The following VRK2 variants were observed in gnomAD, a reference collection of about 807,000 sequenced individuals.
VRK2 encodes serine/threonine-protein kinase VRK2.
Under a neutral mutation model 57.6 loss-of-function variants are expected in VRK2, and 60 were observed. The observed-to-expected ratio is 1.04, with a 90% confidence interval of 0.85 to 1.29. The LOEUF (loss-of-function observed/expected upper bound fraction) is 1.29, where lower values mean the gene tolerates loss of function less well. Ranked by LOEUF, VRK2 falls within the 50% of genes most tolerant of loss-of-function variation. The pLI is 0.00. For synonymous variants in VRK2, 231 were observed against 199.2 expected, an observed-to-expected ratio of 1.16 and a Z score of -1.35; for missense variants, 705 against 588.1, an observed-to-expected ratio of 1.20 and a Z score of -2.06.
rs1425685426 is a variant in VRK2, at chr2:57,908,342, C to G, written c.-439+503C>G. Among the ~76,000 whole-genome samples the G allele has an allele frequency of 2.0e-5, 3 of 152,220 alleles. No individual in the cohort carries two copies. In the East Asian group the frequency reaches 5.8e-4, roughly 29 times the overall value. On this transcript the variant is annotated intron_variant, in intron 1 of 15. Coordinates refer to the VRK2 transcript ENST00000417641. ...TGATATATTATAATTATACATCTGA[C>G]AAAATTCTGAAATTGGCAGCTGTGA...
intron 7 of VRK2, among the ~76,000 whole-genome samples, chr2:58,118,748 G>A (rs1461989244): frequency 1.3e-5 from 2 of 152,214 alleles, no homozygotes; most frequent in Non-Finnish European, 2.9e-5. Context: ...TGTGTGAGCA[G>A]CATGGCTGTT....
At chr2:57,963,537 C>T (rs1183304104) in intron 1 of VRK2, among the ~76,000 whole-genome samples, 2 of 152,102 alleles carry the variant, frequency 1.3e-5, no homozygotes, top group East Asian at 1.9e-4. Flanking sequence ...AAAAAAAATT[C>T]TTGACACATT....
intron 12 of VRK2, among the ~76,000 whole-genome samples, chr2:58,153,799 C>T (rs916721720): frequency 3.9e-5 from 6 of 152,074 alleles, no homozygotes; most frequent in African/African-American, 1.4e-4. Context: ...TTCTTTTTCA[C>T]GTTTTGCAGA....
chr2:58,001,652 T>A (rs1298120696), intron 1 of VRK2, among the ~76,000 whole-genome samples: 1 of 151,990 alleles, frequency 6.6e-6, no homozygotes, highest in Non-Finnish European at 1.5e-5. Flanking sequence ...TGAAACCCCG[T>A]CTCTATTAAA....
At chr2:58,125,330 C>T (rs1400448697) in intron 8 of VRK2, among the ~76,000 whole-genome samples, 1 of 151,870 alleles carries the variant, frequency 6.6e-6, no homozygotes, top group Non-Finnish European at 1.5e-5. Context: ...TTTAGGGTGT[C>T]GTTTTCATTG....
chr2:58,097,876 G>C (rs1673383375), intron 7 of VRK2, among the ~76,000 whole-genome samples: 1 of 151,586 alleles, frequency 6.6e-6, no homozygotes, highest in South Asian at 2.1e-4. Context: ...TTATTTTAGA[G>C]TATATTCCTT....
intron 2 of VRK2, among the ~76,000 whole-genome samples, chr2:58,082,274 C>CT (rs548766813): frequency 2.0e-5 from 3 of 151,748 alleles, no homozygotes; most frequent in Admixed American, 6.6e-5. Flanking sequence ...GGTTGGACAT[C>CT]TTTTTTTTCC....
chr2:58,146,923 C>G (rs953615445), intron 12 of VRK2, among the ~76,000 whole-genome samples: 1 of 151,904 alleles, frequency 6.6e-6, no homozygotes, highest in Admixed American at 6.6e-5. Flanking sequence ...TAGCAGATGA[C>G]TCATTCAAGT....
chr2:58,047,377 G>T, intron 1 of VRK2: 1 of 976,186 alleles, frequency 1.0e-6, no homozygotes, highest in African/African-American at 1.8e-5. Flanking sequence ...CCCTGGGAAG[G>T]TACCCAGAAG....
rs142843477 is a variant in VRK2, at chr2:58,100,734, A to G, written c.543+11011A>G. Among the ~76,000 whole-genome samples the G allele has an allele frequency of 5.1e-3, 778 of 151,872 alleles. 9 individuals are homozygous for G. The highest frequency in any genetic ancestry group is 0.017 in the African/African-American group (724 of 41,516). ...TGTTTTTGAACTTTGATAATTTGCTATATATCTAGATTTTGTGGATCAGTT... is the reference window on the plus strand; with the variant it reads ...TGTTTTTGAACTTTGATAATTTGCTGTATATCTAGATTTTGTGGATCAGTT... On this transcript the variant is annotated intron_variant, in intron 7 of 12. Coordinates refer to ENST00000340157, the MANE Select transcript of VRK2 (RefSeq NM_006296.7).
At chr2:57,996,626 C>G (rs1672931176) in intron 1 of VRK2, among the ~76,000 whole-genome samples, 1 of 152,150 alleles carries the variant, frequency 6.6e-6, no homozygotes, top group Non-Finnish European at 1.5e-5. Flanking sequence ...AGAATAATTT[C>G]AGTCAAAATT....
chr2:57,934,761 A>G (rs1558501218), intron 1 of VRK2, among the ~76,000 whole-genome samples: 1 of 151,636 alleles, frequency 6.6e-6, no homozygotes, highest in African/African-American at 2.4e-5. Flanking sequence ...ATTCCTTCTC[A>G]TTCTTTTTTT....
intron 1 of VRK2, among the ~76,000 whole-genome samples, chr2:57,960,245 T>G (rs968090566): frequency 5.9e-5 from 9 of 152,112 alleles, no homozygotes; most frequent in African/African-American, 2.2e-4. Flanking sequence ...ATACTTCATG[T>G]TGGAAGACAA....
chr2:58,153,501 A>G (rs1190035825), intron 12 of VRK2, among the ~76,000 whole-genome samples: 1 of 152,020 alleles, frequency 6.6e-6, no homozygotes, highest in Non-Finnish European at 1.5e-5. Context: ...GACTGTTACC[A>G]TAGTGGATGA....
At chr2:58,093,127 T>C (rs1291695873) in intron 7 of VRK2, among the ~76,000 whole-genome samples, 1 of 152,246 alleles carries the variant, frequency 6.6e-6, no homozygotes, top group African/African-American at 2.4e-5. Flanking sequence ...TAAACATACA[T>C]GTGCATGTGT....
At chr2:58,095,760 A>G (rs1330162945) in intron 7 of VRK2, among the ~76,000 whole-genome samples, 1 of 152,052 alleles carries the variant, frequency 6.6e-6, no homozygotes, top group African/African-American at 2.4e-5. Context: ...GTCTTGTCTA[A>G]TTGCATTGTC....
intron 9 of VRK2, 82 bp downstream of exon 9, chr2:58,132,010 T>C (rs1679276358): frequency 2.0e-6 from 3 of 1,527,876 alleles, no homozygotes; most frequent in African/African-American, 2.8e-5. Context: ...ACAGAGAAGA[T>C]TGGCATTCAC....
intron 7 of VRK2, among the ~76,000 whole-genome samples, chr2:58,092,962 C>T (rs820604): frequency 6.6e-6 from 1 of 152,120 alleles, no homozygotes; most frequent in Non-Finnish European, 1.5e-5. Context: ...TGGTTTCCAG[C>T]TTCATCCATG....
rs575293499 is a variant in VRK2, at chr2:57,961,641, T to G, written c.-439+53802T>G. On this transcript the variant is annotated intron_variant, in intron 1 of 15. Coordinates refer to the VRK2 transcript ENST00000417641. ...TGTACCCACCCCCCCCCCCACTTATTACTCTGATTAATCAATAGTTGACTA... is the reference window on the plus strand; with the variant it reads ...TGTACCCACCCCCCCCCCCACTTATGACTCTGATTAATCAATAGTTGACTA... 9.0e-3 allele frequency among the ~76,000 whole-genome samples: 932 copies of G among 103,456 alleles called. 6 individuals carry two copies. The highest frequency in any genetic ancestry group is 0.013 in the Non-Finnish European group (693 of 54,500). 67.9% of individuals were successfully genotyped at this position (103,456 alleles called of 152,430 possible).
Sources: gnomAD v4.1 joint callset for allele counts (sites outside exome capture counted in the v4.1 genomes callset) on GRCh38, gnomAD v4.1.1 for gene constraint, MANE v1.5 for transcripts, NCBI Gene and HGNC (gene_info 2026-07-23, HGNC 2026-07-21) for gene names.